Variants in MAPK10 observed in about 807,000 individuals in gnomAD.
The protein encoded by MAPK10 is JNK3 alpha protein kinase.
Under a neutral mutation model 59.3 loss-of-function variants are expected in MAPK10, and 25 were observed. The ratio of observed to expected loss-of-function variants is 0.42; its 90% CI spans 0.31 to 0.59. MAPK10 has a LOEUF of 0.59. Among genes scored for constraint, MAPK10 ranks in the 20% least tolerant of loss-of-function variants. MAPK10 has a pLI of 0.15. For synonymous variants in MAPK10, 190 were observed against 200.5 expected (o/e 0.95, Z 0.44); for missense variants, 351 against 568.9 (o/e 0.62, Z 3.90).
At chr4:86,051,104 T>C (rs1352048454) in intron 11 of MAPK10, among the ~76,000 whole-genome samples, 1 of 152,166 alleles carries the variant, frequency 6.6e-6, no homozygotes, top group Non-Finnish European at 1.5e-5. Flanking sequence ...TTTCACAATA[T>C]ATTGTGGGTC....
intron 1 of MAPK10, among the ~76,000 whole-genome samples, chr4:86,429,251 A>G (rs1747717850): frequency 6.6e-6 from 1 of 152,198 alleles, no homozygotes; most frequent in Non-Finnish European, 1.5e-5. Context: ...TCGAAGCCTT[A>G]ATCATTTGGA....
At chr4:86,324,439 C>T (rs781287673) in intron 2 of MAPK10, among the ~76,000 whole-genome samples, 5 of 151,810 alleles carry the variant, frequency 3.3e-5, no homozygotes, top group Non-Finnish European at 4.4e-5. Context: ...AAAAAAAGAT[C>T]TGTAATCTGT....
chr4:86,162,020 C>A (rs2069885156), intron 3 of MAPK10, among the ~76,000 whole-genome samples: 1 of 151,700 alleles, frequency 6.6e-6, no homozygotes, highest in Non-Finnish European at 1.5e-5. Context: ...TAAGAGCTAC[C>A]CTATTTAATA....
intron 10 of MAPK10, chr4:86,065,100 G>A (rs1719371052): frequency 6.6e-6 from 1 of 151,148 alleles, no homozygotes; most frequent in Admixed American, 6.6e-5. Context: ...TTTTTGTAAA[G>A]ATAAGATCTC....
intron 2 of MAPK10, among the ~76,000 whole-genome samples, chr4:86,323,117 T>C (rs2095939297): frequency 6.6e-6 from 1 of 152,184 alleles, no homozygotes; most frequent in Admixed American, 6.5e-5. Flanking sequence ...AAGGTTGCAG[T>C]GAGCTGAGGT....
At chr4:86,311,334 T>A (rs1486018619) in intron 2 of MAPK10, among the ~76,000 whole-genome samples, 1 of 152,142 alleles carries the variant, frequency 6.6e-6, no homozygotes, top group African/African-American at 2.4e-5. Context: ...TTACCTCTTT[T>A]ATGATTCTCA....
chr4:86,460,282 C>T (rs534588769), intron 1 of MAPK10, among the ~76,000 whole-genome samples: 1 of 152,096 alleles, frequency 6.6e-6, no homozygotes, highest in Admixed American at 6.5e-5. Flanking sequence ...AGACATGAAA[C>T]AGGGACTCAA....
At chr4:86,172,823 T>C (rs1413985444) in intron 3 of MAPK10, among the ~76,000 whole-genome samples, 1 of 147,406 alleles carries the variant, frequency 6.8e-6, no homozygotes, top group Non-Finnish European at 1.5e-5. Context: ...ACACCAACAA[T>C]AGGCAAGCAG....
At chr4:86,334,715 A>G (rs1720004914) in intron 2 of MAPK10, among the ~76,000 whole-genome samples, 1 of 151,516 alleles carries the variant, frequency 6.6e-6, no homozygotes, top group Non-Finnish European at 1.5e-5. Context: ...TTCCTCTGAC[A>G]CCCACAGTAT....
At chr4:86,535,134 C>T (rs997943448) in intron 1 of MAPK10, among the ~76,000 whole-genome samples, 4 of 152,026 alleles carry the variant, frequency 2.6e-5, no homozygotes, top group African/African-American at 9.7e-5. Context: ...ATTTTTAGGT[C>T]CTTGTTTCCA....
intron 1 of MAPK10, among the ~76,000 whole-genome samples, chr4:86,422,639 C>G (rs1028074100): frequency 2.6e-5 from 4 of 152,132 alleles, no homozygotes; most frequent in African/African-American, 9.7e-5. Context: ...GGTAAGCCAA[C>G]AAGGACATAA....
At chr4:86,471,696 C>T (rs1752676524) in intron 1 of MAPK10, among the ~76,000 whole-genome samples, 1 of 152,060 alleles carries the variant, frequency 6.6e-6, no homozygotes, top group Non-Finnish European at 1.5e-5. Flanking sequence ...ACATAGTTGG[C>T]TTAATTAAAA....
chr4:86,078,255 A>G (rs1342372427), intron 9 of MAPK10, among the ~76,000 whole-genome samples: 1 of 152,246 alleles, frequency 6.6e-6, no homozygotes, highest in Non-Finnish European at 1.5e-5. Context: ...ACAAATTAGA[A>G]TAGGATCAAA....
intron 2 of MAPK10, among the ~76,000 whole-genome samples, chr4:86,330,829 A>G (rs4693141): frequency 0.45 from 69,112 of 152,042 alleles, 16,072 homozygotes; most frequent in Non-Finnish European, 0.51. Context: ...TGACATAGTC[A>G]TAATGGGGAA....
At chr4:86,504,825 A>T (rs1318031043) in intron 1 of MAPK10, among the ~76,000 whole-genome samples, 1 of 152,156 alleles carries the variant, frequency 6.6e-6, no homozygotes, top group Non-Finnish European at 1.5e-5. Context: ...GGGGTGAGGA[A>T]TGGAAAGGAA....
At chr4:86,507,621 T>TATATATATATATAC (rs1755851277) in intron 1 of MAPK10, among the ~76,000 whole-genome samples, 1 of 25,290 alleles carries the variant, frequency 4.0e-5, no homozygotes, top group Non-Finnish European at 7.5e-5. Flanking sequence ...TGGAGATATA[T>TATATATATATATAC]ATATATATAT....
At chr4:86,136,079 G>A (rs1237174936) in intron 4 of MAPK10, among the ~76,000 whole-genome samples, 1 of 152,176 alleles carries the variant, frequency 6.6e-6, no homozygotes, top group Non-Finnish European at 1.5e-5. Context: ...TGAAAGTGAT[G>A]GGGAGAATGG....
At chr4:86,391,103 C>A (rs1224362799) in intron 1 of MAPK10, among the ~76,000 whole-genome samples, 1 of 152,188 alleles carries the variant, frequency 6.6e-6, no homozygotes, top group Non-Finnish European at 1.5e-5. Context: ...ACACAAAAAT[C>A]AGTTATGAAA....
chr4:86,188,209 C>T (rs2078762535), intron 3 of MAPK10, among the ~76,000 whole-genome samples: 1 of 152,004 alleles, frequency 6.6e-6, no homozygotes, highest in Admixed American at 6.6e-5. Flanking sequence ...TATAAACATA[C>T]CTGTGCATTT....
Sources: gnomAD v4.1 joint callset for allele counts (sites outside exome capture counted in the v4.1 genomes callset) on GRCh38, gnomAD v4.1.1 for gene constraint, MANE v1.5 for transcripts, NCBI Gene and HGNC (gene_info 2026-07-23, HGNC 2026-07-21) for gene names.